RLN2: variants seen among roughly 807,000 people sequenced by gnomAD.
RLN2 encodes relaxin 2.
In RLN2, 10 loss-of-function variants were observed where a neutral mutation model predicts 7.3. That is an observed-to-expected ratio of 1.36 (90% CI 0.84 to 2.31). The LOEUF is 2.31. Among genes scored for constraint, RLN2 ranks in the 30% most tolerant of loss-of-function variants. The pLI is 0.00. For missense variants in RLN2, 298 were observed against 217.6 expected (o/e 1.37, Z -2.32); for synonymous variants, 103 against 82.3 (o/e 1.25, Z -1.36).
chr9:5,322,468 C>A, the RLN2 span, among the ~76,000 whole-genome samples: 1 of 152,022 alleles, frequency 6.6e-6, no homozygotes, highest in Non-Finnish European at 1.5e-5. Flanking sequence ...TTAAGCCAAC[C>A]AAGTGACACA....
upstream of RLN2, among the ~76,000 whole-genome samples, chr9:5,309,112 C>G (rs1405846088): frequency 6.6e-6 from 1 of 152,116 alleles, no homozygotes; most frequent in East Asian, 1.9e-4. Context: ...GAATCCCTCC[C>G]ACTCCAACAG....
chr9:5,306,802 A>G (rs1816259398), upstream of RLN2, among the ~76,000 whole-genome samples: 1 of 152,006 alleles, frequency 6.6e-6, no homozygotes, highest in Non-Finnish European at 1.5e-5. Context: ...GTTAATATGT[A>G]CAGAGTAATG....
chr9:5,335,627 A>G, the RLN2 span: 1 of 1,456,534 alleles, frequency 6.9e-7, no homozygotes, highest in Non-Finnish European at 9.5e-7. Context: ...AGTGTATGTG[A>G]AGGCGTATTC....
At chr9:5,329,243 C>T in the RLN2 span, among the ~76,000 whole-genome samples, 2 of 137,560 alleles carry the variant, frequency 1.5e-5, no homozygotes, top group African/African-American at 5.6e-5. Context: ...GCGGAGCTTG[C>T]AGTGAGCCGA....
chr9:5,335,433 A>C, the RLN2 span: 1 of 1,613,660 alleles, frequency 6.2e-7, no homozygotes, highest in Non-Finnish European at 8.5e-7. Context: ...AATTCTTCAA[A>C]GCTAAGATTG....
intron 1 of RLN2, among the ~76,000 whole-genome samples, chr9:5,300,830 C>A (rs1001956082): frequency 2.6e-5 from 4 of 152,166 alleles, no homozygotes; most frequent in Admixed American, 2.0e-4. Context: ...AAGTCATTTT[C>A]TTCCATTGCT....
At chr9:5,324,019 T>A in the RLN2 span, among the ~76,000 whole-genome samples, 1 of 151,754 alleles carries the variant, frequency 6.6e-6, no homozygotes, top group Non-Finnish European at 1.5e-5. Flanking sequence ...TGCACTCCAG[T>A]CTGGGCAACA....
Position 5,304,623 on chromosome 9 carries a change from T to C in RLN2, c.-43A>G. ...CTGGAGGTCGGGACGTTGCAGCCTT[T>C]CAGGACTGCAGCTGCTGTGGCCTAC... On this transcript the variant is annotated 5_prime_UTR_variant, in exon 1 of 2. Transcript: ENST00000381627. The C allele has an allele frequency of 6.3e-7, 1 of 1,586,482 alleles. No homozygotes were observed. The highest frequency in any genetic ancestry group is 8.7e-7 in the Non-Finnish European group (1 of 1,155,478).
At chr9:5,324,047 AAAAT>A in the RLN2 span, among the ~76,000 whole-genome samples, 1 of 151,812 alleles carries the variant, frequency 6.6e-6, no homozygotes, top group African/African-American at 2.4e-5. Context: ...ACTCTGTCTC[AAAAT>A]AAATAAATAA....
At chr9:5,332,289 G>A in the RLN2 span, among the ~76,000 whole-genome samples, 3 of 151,808 alleles carry the variant, frequency 2.0e-5, no homozygotes, top group Admixed American at 6.6e-5. Flanking sequence ...ATTTTTATAC[G>A]CTTTTGTACT....
chr9:5,304,428 G>A lies in RLN2; in HGVS notation c.153C>T (p.Thr51=), dbSNP rs1292743247. The A allele has an allele frequency of 1.2e-6, 2 of 1,612,312 alleles. No homozygotes were observed. Among genetic ancestry groups the A allele is most frequent in the Admixed American group, 1.7e-5 (1 of 59,860 alleles). The change falls in exon 1 of 2, where the codon ACC becomes ACT. Residue 51 remains threonine, a synonymous_variant. Coordinates refer to ENST00000381627, the MANE Select transcript of RLN2 (RefSeq NM_134441.3). ...CCTGGCTCAGAGACCTTTTGCTCCA[G>A]GTGCTCATGCCGCAAATGGCAATCT... ...RAQIAICGMS[T]WSKRSLSQED... is the part of the protein sequence containing the mutation.
chr9:5,314,599 C>A, the RLN2 span, among the ~76,000 whole-genome samples: 2 of 151,986 alleles, frequency 1.3e-5, 1 homozygote, highest in South Asian at 4.2e-4. Context: ...GTCACCTCAC[C>A]CTACAGGTTG....
At chr9:5,312,067 G>A in the RLN2 span, among the ~76,000 whole-genome samples, 1 of 151,894 alleles carries the variant, frequency 6.6e-6, no homozygotes, top group Non-Finnish European at 1.5e-5. Context: ...TTTGGGGGAA[G>A]GGGCATATGT....
At chr9:5,330,723 A>G in the RLN2 span, among the ~76,000 whole-genome samples, 56 of 150,682 alleles carry the variant, frequency 3.7e-4, no homozygotes, top group Non-Finnish European at 3.7e-4. Context: ...GCAGAAGGCA[A>G]GAAATAACTA....
Position 5,304,674 on chromosome 9 carries a change from G to A in RLN2, c.-94C>T. 3 of 1,322,688 alleles carry A rather than the reference G, an allele frequency of 2.3e-6. No homozygotes were observed. Among genetic ancestry groups the A allele is most frequent in the South Asian group, 1.3e-5 (1 of 79,722 alleles). 81.9% of individuals were successfully genotyped at this position (1,322,688 alleles called of 1,614,324 possible). On this transcript the variant is annotated 5_prime_UTR_variant, in exon 1 of 2. Transcript: ENST00000381627. ...ACACCTGGGCCTGTGTGCCTGTCCC[G>A]GGCTTTAGGCTGCTTTCCCTACCCG...
Position 5,304,481 on chromosome 9 carries a change from A to C in RLN2, c.100T>G (p.Leu34Val), listed in dbSNP as rs1816199059. 1 of 1,613,546 alleles carries C rather than the reference A, an allele frequency of 6.2e-7. No homozygotes were observed. Among genetic ancestry groups the C allele is most frequent in the African/African-American group, 1.3e-5 (1 of 74,738 alleles). Residue 34 changes from leucine to valine, a missense_variant, in exon 1 of 2, where the codon TTA becomes GTA. Transcript: ENST00000381627. ...GCGCGAACTAATTCGCGGCCGCATA[A>C]TTTAATAACTTCCTCCATCCATGAG... is the stretch of plus-strand genomic sequence containing the variant. Reference protein sequence around the residue: ...ADSWMEEVIKLCGRELVRAQI... With the variant: ...ADSWMEEVIKVCGRELVRAQI...
chr9:5,329,175 C>T, the RLN2 span, among the ~76,000 whole-genome samples: 97 of 150,658 alleles, frequency 6.4e-4, 2 homozygotes, highest in East Asian at 0.014. Flanking sequence ...CGGTGGCGGG[C>T]GCCTGTAGTC....
At chr9:5,309,313 A>C (rs1816306239), upstream of RLN2, among the ~76,000 whole-genome samples, 1 of 152,024 alleles carries the variant, frequency 6.6e-6, no homozygotes, top group African/African-American at 2.4e-5. Flanking sequence ...AGTCTCTCTA[A>C]TACAGAAATC....
chr9:5,316,886 C>G, the RLN2 span, among the ~76,000 whole-genome samples: 2 of 151,904 alleles, frequency 1.3e-5, no homozygotes, highest in Non-Finnish European at 2.9e-5. Context: ...TCCACAATGG[C>G]TGAACTAATT....
Sources: allele counts gnomAD v4.1 joint callset (sites outside exome capture counted in the v4.1 genomes callset), GRCh38; gene constraint gnomAD v4.1.1; transcripts MANE v1.5; gene names NCBI Gene and HGNC (gene_info 2026-07-23, HGNC 2026-07-21).